Variants in PCNX1 observed in about 807,000 individuals in gnomAD.
PCNX1 encodes pecanex-like protein 1.
Under a neutral mutation model 242.2 loss-of-function variants are expected in PCNX1, and 78 were observed. The ratio of observed to expected loss-of-function variants is 0.32; its 90% CI spans 0.27 to 0.39. The LOEUF (loss-of-function observed/expected upper bound fraction) is 0.39. PCNX1 is among the 10% of genes least tolerant of loss of function. The pLI, the probability that PCNX1 is intolerant of heterozygous loss-of-function variation, is 1.00. For synonymous variants in PCNX1, 1,024 were observed against 1,032.9 expected (o/e 0.99, Z 0.17); for missense variants, 2,581 against 2,856.5 (o/e 0.90, Z 2.20).
chr14:70,972,679 G>T (rs2058576143), intron 5 of PCNX1, among the ~76,000 whole-genome samples: 1 of 152,210 alleles, frequency 6.6e-6, no homozygotes, highest in South Asian at 2.1e-4. Context: ...ACAGTTAGTT[G>T]ATTAGTTGGC....
At chr14:70,921,949 T>C (rs557621018) in intron 1 of PCNX1, among the ~76,000 whole-genome samples, 63 of 152,296 alleles carry the variant, frequency 4.1e-4, no homozygotes, top group Middle Eastern at 3.4e-3. Flanking sequence ...TTTCAAAATA[T>C]ATGTCGGGAT....
intron 11 of PCNX1, among the ~76,000 whole-genome samples, chr14:71,013,562 G>GTTTTTTTTTTTTTTTTTTTTTTTTTT (rs2059879932): frequency 1.4e-5 from 2 of 145,672 alleles, no homozygotes; most frequent in Non-Finnish European, 3.1e-5. Flanking sequence ...TGTTTCCCTG[G>GTTTTTTTTTTTTTTTTTTTTTTTTTT]TTCTTAACAC....
rs1595118148 is a variant in PCNX1, at chr14:70,978,155, T to C, written c.1818T>C (p.Ser606=). The C allele has an allele frequency of 6.2e-7, 1 of 1,614,080 alleles. No homozygotes were observed. The highest frequency in any genetic ancestry group is 1.3e-5 in the African/African-American group (1 of 75,006). The change falls in exon 6 of 36, where the codon AGT becomes AGC. Residue 606 remains serine (S), a synonymous_variant. Coordinates refer to ENST00000304743, the MANE Select transcript of PCNX1 (RefSeq NM_014982.3). ...FCHDEDSSDQ[S]DLSRASSVQS... ...ATGACGAAGACTCTAGTGATCAGAG[T>C]GACTTGAGTAGAGCATCAAGTGTTC...
In PCNX1 at chr14:71,109,611, T is replaced by C. The variant is rs954291868; in HGVS notation, c.6885+19T>C. 6.2e-7 allele frequency: 1 copy of C among 1,613,848 alleles called. No individual in the cohort carries two copies. The highest frequency in any genetic ancestry group is 8.5e-7 in the Non-Finnish European group (1 of 1,179,848). On this transcript the variant is annotated intron_variant, in intron 35 of 35. Coordinates refer to ENST00000304743, the MANE Select transcript of PCNX1 (RefSeq NM_014982.3). ...AGGCCATGTAAGTTCTTTTACAAGC[T>C]GGCGGTCTGGGGCTCTGCCTTTTTT...
intron 8 of PCNX1, among the ~76,000 whole-genome samples, chr14:71,005,880 G>T (rs2059642546): frequency 6.6e-6 from 1 of 151,224 alleles, no homozygotes; most frequent in Admixed American, 6.6e-5. Flanking sequence ...AGTCACTATT[G>T]AGTATTCAAT....
intron 13 of PCNX1, among the ~76,000 whole-genome samples, chr14:71,024,609 A>G (rs1264187076): frequency 6.6e-6 from 1 of 152,196 alleles, no homozygotes; most frequent in Non-Finnish European, 1.5e-5. Flanking sequence ...AGTGCATCAT[A>G]TTAGAAAGCA....
chr14:71,024,946 TTAAAA>T (rs1305576464), intron 13 of PCNX1, among the ~76,000 whole-genome samples: 2 of 152,184 alleles, frequency 1.3e-5, no homozygotes, highest in Non-Finnish European at 2.9e-5. Flanking sequence ...TAATAAATAC[TTAAAA>T]TAAATAAATA....
chr14:71,056,652 T>C (rs949463789), intron 25 of PCNX1, among the ~76,000 whole-genome samples: 21 of 151,996 alleles, frequency 1.4e-4, no homozygotes, highest in Non-Finnish European at 2.6e-4. Context: ...ATTTATTAAG[T>C]GATGTTTATT....
At chr14:71,029,219 A>G (rs988749471) in intron 16 of PCNX1, among the ~76,000 whole-genome samples, 2 of 152,168 alleles carry the variant, frequency 1.3e-5, no homozygotes, top group Non-Finnish European at 2.9e-5. Flanking sequence ...CTGAAATTTA[A>G]CGTCATTATT....
At position 71,107,179 on chromosome 14, in the gene PCNX1, CCT is replaced by C. The variant is rs1491101650; in HGVS notation, c.6302-1424_6302-1423del. On this transcript the variant is annotated intron_variant, in intron 33 of 35. Coordinates refer to ENST00000304743, the MANE Select transcript of PCNX1 (RefSeq NM_014982.3). Reference sequence around the variant, plus strand: ...AGTTGATCCTCTCCCCAACTGCCCCCCTGACTGCTTCACGTGAATCAAATAAA... The same window carrying C: ...AGTTGATCCTCTCCCCAACTGCCCCCGACTGCTTCACGTGAATCAAATAAA... 2.0e-5 allele frequency among the ~76,000 whole-genome samples: 3 copies of C among 151,998 alleles called. No homozygotes were observed. The East Asian group carries it at 5.8e-4, about 29-fold the overall frequency.
Position 71,003,533 on chromosome 14 carries a change from A to G in PCNX1, c.2630-6101A>G, listed in dbSNP as rs555981198. ...TACCTGACCAGTCTTAATGTCATCA[A>G]TGTCGTTATTATAGATTATTTTACC... On this transcript the variant is annotated intron_variant, in intron 8 of 35. Coordinates refer to ENST00000304743, the MANE Select transcript of PCNX1 (RefSeq NM_014982.3). Among the ~76,000 whole-genome samples, 25 of 152,252 alleles carry G rather than the reference A, an allele frequency of 1.6e-4. No homozygotes were observed. In the East Asian group the frequency reaches 4.2e-3, roughly 26 times the overall value.
At chr14:71,085,688 G>C (rs987556623) in intron 28 of PCNX1, 1 of 191,632 alleles carries the variant, frequency 5.2e-6, no homozygotes, top group African/African-American at 2.4e-5. Context: ...AGGATTAAAA[G>C]GGGAGCATTT....
intron 29 of PCNX1, 130 bp from the exon 30 acceptor site, chr14:71,089,062 T>C (rs550667779): frequency 1.5e-5 from 10 of 662,270 alleles, no homozygotes; most frequent in South Asian, 8.5e-5. Flanking sequence ...TTCAGGGTTC[T>C]GACATTAGTT....
chr14:71,006,092 CGT>C (rs1210371769), intron 8 of PCNX1, among the ~76,000 whole-genome samples: 1 of 129,222 alleles, frequency 7.7e-6, no homozygotes, highest in Non-Finnish European at 1.6e-5. Context: ...CCAGCTAGTA[CGT>C]GTGTGTGTCT....
Position 71,108,815 on chromosome 14 carries a change from G to A in PCNX1, c.6513G>A (p.Met2171Ile). ...CATCCATCCAATCCCGACTGTCGAT[G>A]GTGAACCAAATGGAACCCTCAGGTC... ...LPSSIQSRLS[M>I]VNQMEPSGQS... Residue 2171 changes from methionine to isoleucine, a missense_variant, in exon 34 of 36, where the codon ATG (methionine) becomes ATA (isoleucine). By Grantham distance (10) the Met-to-Ile change is conservative. This residue lies in a region of PCNX1 where 432 missense variants were observed against 433.6 expected (regional missense o/e 1.00). Coordinates refer to ENST00000304743, the MANE Select transcript of PCNX1 (RefSeq NM_014982.3). 1 of 1,614,238 alleles carries A rather than the reference G, an allele frequency of 6.2e-7. No homozygotes were observed. Among genetic ancestry groups the A allele is most frequent in the South Asian group, 1.1e-5 (1 of 91,088 alleles).
chr14:71,076,519 C>A, intron 28 of PCNX1, 100 bp downstream of exon 28: 1 of 717,342 alleles, frequency 1.4e-6, no homozygotes, highest in Non-Finnish European at 2.4e-6. Context: ...TCAAGACCTT[C>A]CTCTTTCTGA....
intron 8 of PCNX1, among the ~76,000 whole-genome samples, chr14:70,997,340 G>C (rs1421637271): frequency 6.6e-6 from 1 of 151,958 alleles, no homozygotes; most frequent in Non-Finnish European, 1.5e-5. Flanking sequence ...AAAATAAAAG[G>C]CTTCATTTTA....
chr14:71,020,833 G>C (rs2060080139), intron 12 of PCNX1, among the ~76,000 whole-genome samples: 1 of 152,028 alleles, frequency 6.6e-6, no homozygotes, highest in Admixed American at 6.6e-5. Flanking sequence ...GAAGTCTTTG[G>C]CCATGCCTAT....
chr14:70,912,342 C>T (rs2055954169), intron 1 of PCNX1, among the ~76,000 whole-genome samples: 1 of 152,146 alleles, frequency 6.6e-6, no homozygotes, highest in African/African-American at 2.4e-5. Context: ...TAATGATGTG[C>T]AAGCCCTTTC....
Sources: allele counts gnomAD v4.1 joint callset (sites outside exome capture counted in the v4.1 genomes callset), GRCh38; gene constraint gnomAD v4.1.1; regional missense constraint gnomAD v4.1.1; transcripts MANE v1.5; gene names NCBI Gene and HGNC (gene_info 2026-07-23, HGNC 2026-07-21).